SHTN1: variants seen among roughly 807,000 people sequenced by gnomAD.
SHTN1 encodes the protein shootin-1.
In SHTN1, 42 loss-of-function variants were observed where a neutral mutation model predicts 83.1. The ratio of observed to expected loss-of-function variants is 0.51; its 90% CI spans 0.39 to 0.65. SHTN1 has a LOEUF of 0.65. Ranked by LOEUF, SHTN1 falls within the 30% of genes least tolerant of loss-of-function variation. SHTN1 has a pLI of 0.00. For synonymous variants in SHTN1, 224 were observed against 247.7 expected (o/e 0.90, Z 0.90); for missense variants, 622 against 737.8 (o/e 0.84, Z 1.82).
At chr10:116,919,836 T>C (rs1352173851) in intron 12 of SHTN1, among the ~76,000 whole-genome samples, 3 of 143,360 alleles carry the variant, frequency 2.1e-5, no homozygotes, top group African/African-American at 7.8e-5. Context: ...TTCCAAAGGA[T>C]TGCAGAAGGC....
chr10:116,960,484 C>T (rs1472317220), intron 3 of SHTN1, among the ~76,000 whole-genome samples: 4 of 152,070 alleles, frequency 2.6e-5, no homozygotes, highest in South Asian at 2.1e-4. Flanking sequence ...TTTAAGAGCG[C>T]TATTTAGATT....
At chr10:116,983,687 A>ATAC (rs1851124220) in intron 1 of SHTN1, among the ~76,000 whole-genome samples, 20 of 60,330 alleles carry the variant, frequency 3.3e-4, no homozygotes, top group South Asian at 1.6e-3. Flanking sequence ...TAGATAGATA[A>ATAC]ATACATACAT....
intron 1 of SHTN1, among the ~76,000 whole-genome samples, chr10:117,084,446 T>C (rs1271213974): frequency 6.6e-6 from 1 of 152,216 alleles, no homozygotes; most frequent in South Asian, 2.1e-4. Flanking sequence ...TTCAAAGCTG[T>C]CAGACAGGGT....
At chr10:116,933,354 T>TC (rs1397126278) in intron 9 of SHTN1, among the ~76,000 whole-genome samples, 2 of 151,932 alleles carry the variant, frequency 1.3e-5, no homozygotes, top group Non-Finnish European at 2.9e-5. Flanking sequence ...TGTGTGATGT[T>TC]CCCCTCCCTG....
At chr10:117,091,875 C>T (rs1353569865) in intron 1 of SHTN1, among the ~76,000 whole-genome samples, 1 of 152,152 alleles carries the variant, frequency 6.6e-6, no homozygotes, top group Non-Finnish European at 1.5e-5. Context: ...TACTACATGA[C>T]ATGGAAATGA....
chr10:116,932,539 G>A (rs556686040), intron 9 of SHTN1, among the ~76,000 whole-genome samples: 11 of 152,240 alleles, frequency 7.2e-5, no homozygotes, highest in Admixed American at 1.3e-4. Context: ...AAAGATTGGG[G>A]ATTGATGCTC....
At chr10:117,032,244 C>T (rs1272213190) in intron 2 of SHTN1, among the ~76,000 whole-genome samples, 1 of 152,040 alleles carries the variant, frequency 6.6e-6, no homozygotes, top group South Asian at 2.1e-4. Flanking sequence ...CACTCTGTCG[C>T]CCAGGCTGGA....
chr10:117,092,807 A>T (rs1853452279), intron 1 of SHTN1, among the ~76,000 whole-genome samples: 1 of 152,178 alleles, frequency 6.6e-6, no homozygotes, highest in African/African-American at 2.4e-5. Flanking sequence ...GAGATAAGGG[A>T]GAGACTGAGG....
intron 12 of SHTN1, among the ~76,000 whole-genome samples, chr10:116,920,193 G>A: frequency 6.6e-6 from 1 of 152,250 alleles, no homozygotes; most frequent in Non-Finnish European, 1.5e-5. Flanking sequence ...AGAGGAGGAT[G>A]AAGAGTCTGG....
At chr10:117,097,030 G>GACACACACACACACACACACAC (rs5788209) in intron 1 of SHTN1, among the ~76,000 whole-genome samples, 2 of 148,950 alleles carry the variant, frequency 1.3e-5, no homozygotes, top group Non-Finnish European at 3.0e-5. Flanking sequence ...CACACACATA[G>GACACACACACACACACACACAC]ACACACACAC....
At chr10:116,909,245 T>C (rs578088351) in intron 14 of SHTN1, among the ~76,000 whole-genome samples, 3 of 152,190 alleles carry the variant, frequency 2.0e-5, no homozygotes, top group African/African-American at 4.8e-5. Context: ...TTCAAACCAC[T>C]GTGGTCATTT....
rs575142012 is a variant in SHTN1 at position 116,970,161 on chromosome 10, A to G, written c.112-1449T>C. 3.9e-5 allele frequency among the ~76,000 whole-genome samples: 6 copies of G among 152,310 alleles called. No individual in the cohort carries two copies. In the East Asian group the frequency reaches 1.2e-3, roughly 29 times the overall value. On this transcript the variant is annotated intron_variant, in intron 2 of 16. Coordinates refer to ENST00000355371, the MANE Select transcript of SHTN1 (RefSeq NM_001127211.3). ...CTGAAAAAATCTGATACCAGGAGAC[A>G]GGAAATCTCATAGACCACTGATGGA...
chr10:117,097,506 G>A (rs947768740), intron 1 of SHTN1, among the ~76,000 whole-genome samples: 3 of 152,192 alleles, frequency 2.0e-5, no homozygotes, highest in African/African-American at 7.2e-5. Context: ...CACCTTGGGT[G>A]GCAAATTATG....
chr10:116,905,794 A>G (rs1847945163), intron 15 of SHTN1, among the ~76,000 whole-genome samples: 1 of 152,202 alleles, frequency 6.6e-6, no homozygotes, highest in Non-Finnish European at 1.5e-5. Context: ...TAGTTTTTTG[A>G]AGTCGGCTTC....
Position 117,081,283 on chromosome 10 carries a change from T to C in SHTN1, c.-188-32773A>G, listed in dbSNP as rs558883700. 7.7e-3 allele frequency among the ~76,000 whole-genome samples: 1,164 copies of C among 151,802 alleles called. 10 individuals carry two copies. Among genetic ancestry groups the C allele is most frequent in the Middle Eastern group, 0.045 (13 of 292 alleles). Reference sequence around the variant, plus strand: ...TTGTCAAAGGCCTTTTCTGCATCTATTGAGATAATCATGTGGTTTTTGTCT... The same window carrying C: ...TTGTCAAAGGCCTTTTCTGCATCTACTGAGATAATCATGTGGTTTTTGTCT... On this transcript the variant is annotated intron_variant, in intron 1 of 17. Transcript: ENST00000392901.
At chr10:117,076,777 C>T (rs1664430834) in intron 1 of SHTN1, among the ~76,000 whole-genome samples, 3 of 152,108 alleles carry the variant, frequency 2.0e-5, no homozygotes, top group South Asian at 4.1e-4. Flanking sequence ...AAAAAATATG[C>T]CTCGCACTAA....
upstream of SHTN1, chr10:117,005,550 G>T: frequency 2.0e-6 from 2 of 1,003,610 alleles, no homozygotes; most frequent in Non-Finnish European, 2.4e-6. Flanking sequence ...CGCTCCCAAA[G>T]AACCACAGAG....
intron 2 of SHTN1, among the ~76,000 whole-genome samples, chr10:117,016,812 T>C (rs924884133): frequency 2.6e-5 from 4 of 152,194 alleles, no homozygotes; most frequent in Non-Finnish European, 5.9e-5. Context: ...TAGAGAGATA[T>C]CAGTATGAAC....
intron 1 of SHTN1, among the ~76,000 whole-genome samples, chr10:117,052,947 G>A (rs1224432336): frequency 1.5e-5 from 2 of 134,082 alleles, no homozygotes; most frequent in African/African-American, 5.4e-5. Flanking sequence ...GTGAACCTAG[G>A]AGGTGGAGCT....
Sources: gnomAD v4.1 joint callset for allele counts (sites outside exome capture counted in the v4.1 genomes callset) on GRCh38, gnomAD v4.1.1 for gene constraint, MANE v1.5 for transcripts, NCBI Gene and HGNC (gene_info 2026-07-23, HGNC 2026-07-21) for gene names.